The following PITPNB variants were observed in gnomAD, a reference collection of about 807,000 sequenced individuals.
PITPNB encodes phosphatidylinositol transfer protein beta.
Under a neutral mutation model 45.9 loss-of-function variants are expected in PITPNB, and 16 were observed. That is an observed-to-expected ratio of 0.35 (90% confidence interval 0.24 to 0.53). The LOEUF (loss-of-function observed/expected upper bound fraction) is 0.53, where lower values mean the gene tolerates loss of function less well. Among genes scored for constraint, PITPNB ranks in the 20% least tolerant of loss-of-function variants. The pLI, the probability that PITPNB is intolerant of heterozygous loss-of-function variation, is 0.93. For missense variants in PITPNB, 188 were observed against 330.5 expected (o/e 0.57, Z 3.34); for synonymous variants, 112 against 108.9 (o/e 1.03, Z -0.18).
chr22:27,878,868 T>C (rs966532958), intron 7 of PITPNB, among the ~76,000 whole-genome samples: 17 of 152,228 alleles, frequency 1.1e-4, no homozygotes, highest in Admixed American at 7.9e-4. Flanking sequence ...TTTCTGTTAC[T>C]GAATGTACCT....
intron 6 of PITPNB, among the ~76,000 whole-genome samples, 158 bp from the exon 7 acceptor site, chr22:27,894,796 A>G (rs1935387703): frequency 6.6e-6 from 1 of 152,250 alleles, no homozygotes; most frequent in Non-Finnish European, 1.5e-5. Flanking sequence ...ATTTTGCAGG[A>G]TCTAAAAGTC....
chr22:27,882,000 G>A (rs1320619735), intron 7 of PITPNB, among the ~76,000 whole-genome samples: 1 of 151,854 alleles, frequency 6.6e-6, no homozygotes, highest in Non-Finnish European at 1.5e-5. Context: ...ACGAAGTTTA[G>A]TAAAGCATGT....
At chr22:27,903,308 A>ACG (rs1935655766) in intron 3 of PITPNB, among the ~76,000 whole-genome samples, 1 of 151,862 alleles carries the variant, frequency 6.6e-6, no homozygotes, top group East Asian at 1.9e-4. Flanking sequence ...CGTCTCTACT[A>ACG]AAAATACAAA....
chr22:27,860,285 TTA>T (rs1257006997), intron 8 of PITPNB, 44 bp from the exon 9 acceptor site: 2 of 1,192,904 alleles, frequency 1.7e-6, no homozygotes, highest in African/African-American at 3.0e-5. Context: ...ACTTAAATAT[TTA>T]TGTTTTCATT....
chr22:27,877,962 C>T (rs1934867563), intron 7 of PITPNB, among the ~76,000 whole-genome samples: 1 of 152,104 alleles, frequency 6.6e-6, no homozygotes, highest in African/African-American at 2.4e-5. Flanking sequence ...TATTTTCTAT[C>T]CTGTGGAGAG....
intron 11 of PITPNB, among the ~76,000 whole-genome samples, chr22:27,854,555 T>C (rs968054959): frequency 1.5e-4 from 23 of 152,294 alleles, no homozygotes; most frequent in Middle Eastern, 6.8e-3. Context: ...TAACTCAGTA[T>C]TGAAAAATCA....
rs542299147 is a variant in PITPNB, at chr22:27,903,912, T to C, written c.198-6020A>G. 1.1e-4 allele frequency among the ~76,000 whole-genome samples: 16 copies of C among 145,876 alleles called. No homozygotes were observed. The South Asian group carries it at 1.5e-3, about 14-fold the overall frequency. On this transcript the variant is annotated intron_variant, in intron 3 of 11. Transcript: ENST00000335272. ...TTAACATCATTAATCACCAAGAAAATGCAAATCAAAACCAAAACCACAATG... is the reference window on the plus strand; with the variant it reads ...TTAACATCATTAATCACCAAGAAAACGCAAATCAAAACCAAAACCACAATG...
chr22:27,902,178 T>C (rs139599962), intron 3 of PITPNB, among the ~76,000 whole-genome samples: 8 of 152,176 alleles, frequency 5.3e-5, no homozygotes, highest in Admixed American at 6.5e-5. Flanking sequence ...AAGGCCTCTC[T>C]GAGGAAATAA....
chr22:27,909,223 T>G (rs889646704), intron 3 of PITPNB, among the ~76,000 whole-genome samples: 1 of 149,764 alleles, frequency 6.7e-6, no homozygotes, highest in Non-Finnish European at 1.5e-5. Context: ...TTTTTTTTTT[T>G]TTTTTTGGCT....
Position 27,896,535 on chromosome 22 carries a change from G to T in PITPNB, c.372+17C>A. ...TTCCAGGGACTTTTGTACTAAAAGTGCAGAGTTGAAACTTACATTTTCTAA... is the reference window on the plus strand; with the variant it reads ...TTCCAGGGACTTTTGTACTAAAAGTTCAGAGTTGAAACTTACATTTTCTAA... On this transcript the variant is annotated intron_variant, in intron 6 of 11. Coordinates refer to ENST00000335272, the MANE Select transcript of PITPNB (RefSeq NM_012399.5). The T allele has an allele frequency of 6.4e-7, 1 of 1,556,424 alleles. No homozygotes were observed. The highest frequency in any genetic ancestry group is 8.9e-7 in the Non-Finnish European group (1 of 1,127,398).
chr22:27,893,516 C>A (rs28529300), intron 7 of PITPNB, among the ~76,000 whole-genome samples: 2 of 150,420 alleles, frequency 1.3e-5, no homozygotes, highest in African/African-American at 4.9e-5. Context: ...ATCTCCTGAC[C>A]TCGTGATCTT....
At chr22:27,910,830 CAAAGAATTA>C in intron 3 of PITPNB, 125 bp downstream of exon 3, 1 of 637,246 alleles carries the variant, frequency 1.6e-6, no homozygotes. Flanking sequence ...GAGGTTCTGC[CAAAGAATTA>C]AAATGCAATA....
At chr22:27,900,153 T>C (rs891829433) in intron 3 of PITPNB, among the ~76,000 whole-genome samples, 1 of 151,000 alleles carries the variant, frequency 6.6e-6, no homozygotes, top group African/African-American at 2.4e-5. Context: ...TGAGCTGAGA[T>C]CATGCCATTT....
Position 27,854,883 on chromosome 22 carries a change from G to A in PITPNB, c.*9C>T. 1 of 1,612,850 alleles carries A rather than the reference G, an allele frequency of 6.2e-7. No individual in the cohort carries two copies. Among genetic ancestry groups the A allele is most frequent in the Non-Finnish European group, 8.5e-7 (1 of 1,178,862 alleles). On this transcript the variant is annotated 3_prime_UTR_variant, in exon 11 of 12. Transcript: ENST00000335272. The stretch of plus-strand genomic sequence containing the variant: ...TTTGACATTGTCTCTGACCCTACAG[G>A]GGACTCATCTAGACATCAGCAGCCG...
chr22:27,904,530 G>T (rs1014682501), intron 3 of PITPNB, among the ~76,000 whole-genome samples: 2 of 152,292 alleles, frequency 1.3e-5, no homozygotes, highest in East Asian at 3.9e-4. Context: ...TGTTGAAAAT[G>T]TTCTGAAATT....
intron 6 of PITPNB, among the ~76,000 whole-genome samples, chr22:27,894,918 G>A (rs1935392320): frequency 6.6e-6 from 1 of 152,180 alleles, no homozygotes; most frequent in African/African-American, 2.4e-5. Flanking sequence ...GATGATTTAT[G>A]TAACTAAATA....
At chr22:27,878,008 G>C (rs888199928) in intron 7 of PITPNB, among the ~76,000 whole-genome samples, 1 of 152,158 alleles carries the variant, frequency 6.6e-6, no homozygotes, top group African/African-American at 2.4e-5. Flanking sequence ...AAGCTTGAGA[G>C]AGACATTAGG....
In PITPNB at chr22:27,908,926, TC is replaced by T. The variant is rs772936714; in HGVS notation, c.197+2037del. 2.0e-4 allele frequency among the ~76,000 whole-genome samples: 30 copies of T among 152,246 alleles called. 1 individual carries two copies. Among genetic ancestry groups the T allele is most frequent in the East Asian group, 1.9e-3 (10 of 5,178 alleles). On this transcript the variant is annotated intron_variant, in intron 3 of 11. Coordinates refer to ENST00000335272, the MANE Select transcript of PITPNB (RefSeq NM_012399.5). Reference sequence around the variant, plus strand: ...CGAAAATAATGATAAAATTTAAGGTTCTATAAAGAGATAAGATTATGTGTCA... The same window carrying T: ...CGAAAATAATGATAAAATTTAAGGTTTATAAAGAGATAAGATTATGTGTCA...
In PITPNB at chr22:27,852,528, A is replaced by C. The variant is rs1157914747; in HGVS notation, c.*1174T>G. 5.3e-5 allele frequency: 8 copies of C among 152,260 alleles called. No homozygotes were observed. Among genetic ancestry groups the C allele is most frequent in the African/African-American group, 1.7e-4 (7 of 41,448 alleles). The allele number at this position is 152,260 out of a possible 1,614,324, so 9.4% of individuals were successfully genotyped here. On this transcript the variant is annotated 3_prime_UTR_variant, in exon 12 of 12. Coordinates refer to ENST00000335272, the MANE Select transcript of PITPNB (RefSeq NM_012399.5). ...GAGCACATCCCACAGTCAGATGTCC[A>C]CCAGTCTCTTGGCGGGGCCTCCTCA...
Sources: allele counts gnomAD v4.1 joint callset (sites outside exome capture counted in the v4.1 genomes callset), GRCh38; gene constraint gnomAD v4.1.1; transcripts MANE v1.5; gene names NCBI Gene and HGNC (gene_info 2026-07-23, HGNC 2026-07-21).